GPATCH8: variants seen among roughly 807,000 people sequenced by gnomAD.
GPATCH8 encodes the protein G-patch domain containing 8, also known as G patch domain-containing protein 8.
In GPATCH8, 18 loss-of-function variants were observed where a neutral mutation model predicts 118.3. The ratio of observed to expected loss-of-function variants is 0.15; its 90% CI spans 0.11 to 0.23. GPATCH8 has a LOEUF of 0.23. Among genes scored for constraint, GPATCH8 ranks in the 10% least tolerant of loss-of-function variants. The pLI is 1.00. For synonymous variants in GPATCH8, 659 were observed against 684.7 expected (o/e 0.96, Z 0.59); for missense variants, 1,631 against 1,873.8 (o/e 0.87, Z 2.39).
chr17:44,480,441 C>G (rs1047133642), intron 1 of GPATCH8, among the ~76,000 whole-genome samples: 1 of 151,864 alleles, frequency 6.6e-6, no homozygotes, highest in African/African-American at 2.4e-5. Context: ...ATTGGCCAGG[C>G]GCGGTGGTTC....
Position 44,395,487 on chromosome 17 carries a change from C to A in GPATCH8, c.*2081G>T. The A allele has an allele frequency of 2.2e-6, 1 of 454,472 alleles. No individual in the cohort carries two copies. The highest frequency in any genetic ancestry group is 1.6e-5 in the South Asian group (1 of 64,462). 28.2% of individuals were successfully genotyped at this position (454,472 alleles called of 1,614,324 possible). ...GGCAGCCAGAGTATGGCTCAATCTA[C>A]AAGCTAATGGGAAGCAGCACGAAAA... On this transcript the variant is annotated 3_prime_UTR_variant, in exon 8 of 8. Coordinates refer to ENST00000591680, the MANE Select transcript of GPATCH8 (RefSeq NM_001002909.4).
intron 7 of GPATCH8, among the ~76,000 whole-genome samples, chr17:44,404,844 A>C (rs2049158643): frequency 6.6e-6 from 1 of 152,182 alleles, no homozygotes; most frequent in African/African-American, 2.4e-5. Flanking sequence ...GTTGCCACTC[A>C]TATGTGGAAG....
At chr17:44,450,018 T>C (rs1473529638) in intron 3 of GPATCH8, among the ~76,000 whole-genome samples, 1 of 152,194 alleles carries the variant, frequency 6.6e-6, no homozygotes, top group Non-Finnish European at 1.5e-5. Context: ...GAGAGAAATA[T>C]ATAGGTATAT....
At chr17:44,458,515 T>C (rs1343070212) in intron 3 of GPATCH8, among the ~76,000 whole-genome samples, 4 of 152,132 alleles carry the variant, frequency 2.6e-5, no homozygotes, top group East Asian at 1.9e-4. Context: ...TGATGAAATA[T>C]AGCCAAACTT....
intron 3 of GPATCH8, among the ~76,000 whole-genome samples, chr17:44,455,223 C>T (rs940727643): frequency 1.3e-5 from 2 of 152,110 alleles, no homozygotes; most frequent in African/African-American, 2.4e-5. Context: ...AATGAGTGGC[C>T]GGGCATGGTG....
At chr17:44,445,514 TC>T (rs1194491626) in intron 3 of GPATCH8, among the ~76,000 whole-genome samples, 3 of 145,192 alleles carry the variant, frequency 2.1e-5, no homozygotes, top group African/African-American at 7.8e-5. Flanking sequence ...TTTTTTTTTT[TC>T]CCCCCCTAAG....
intron 3 of GPATCH8, among the ~76,000 whole-genome samples, chr17:44,439,973 G>A (rs1267387888): frequency 2.0e-5 from 3 of 151,866 alleles, no homozygotes; most frequent in Non-Finnish European, 4.4e-5. Flanking sequence ...CGTAAAGACG[G>A]GGTTTCTTCA....
intron 3 of GPATCH8, among the ~76,000 whole-genome samples, chr17:44,445,441 T>C (rs1016901631): frequency 2.0e-5 from 3 of 152,118 alleles, no homozygotes; most frequent in Admixed American, 2.0e-4. Flanking sequence ...TACACTCCTA[T>C]ATACATGTAG....
At chr17:44,454,525 CT>C (rs1469249787) in intron 3 of GPATCH8, among the ~76,000 whole-genome samples, 11 of 152,188 alleles carry the variant, frequency 7.2e-5, no homozygotes, top group Non-Finnish European at 1.5e-4. Flanking sequence ...CAAGTAGTCC[CT>C]TTCTATACAG....
chr17:44,462,930 G>A (rs921031454), intron 3 of GPATCH8, among the ~76,000 whole-genome samples: 15 of 152,026 alleles, frequency 9.9e-5, no homozygotes, highest in Admixed American at 3.9e-4. Context: ...GCAATGAGCC[G>A]AGATCGCGCC....
At chr17:44,454,117 T>C (rs1355449669) in intron 3 of GPATCH8, among the ~76,000 whole-genome samples, 1 of 152,210 alleles carries the variant, frequency 6.6e-6, no homozygotes, top group Non-Finnish European at 1.5e-5. Flanking sequence ...AAGTCACCCC[T>C]AGTTATTCTT....
At chr17:44,431,412 C>G (rs1032763910) in intron 5 of GPATCH8, among the ~76,000 whole-genome samples, 2 of 121,208 alleles carry the variant, frequency 1.7e-5, no homozygotes, top group Admixed American at 1.6e-4. Flanking sequence ...GCGAAAAACA[C>G]AAAAATCAGC....
chr17:44,474,780 C>A (rs375103436), intron 2 of GPATCH8, 49 bp downstream of exon 2: 2 of 895,942 alleles, frequency 2.2e-6, no homozygotes, highest in African/African-American at 3.3e-5. Flanking sequence ...CACACGAACA[C>A]TACCTAACTA....
intron 1 of GPATCH8, among the ~76,000 whole-genome samples, chr17:44,499,507 C>T (rs1359931497): frequency 6.6e-6 from 1 of 152,130 alleles, no homozygotes; most frequent in Non-Finnish European, 1.5e-5. Flanking sequence ...AGAGAACACT[C>T]GGAACACGAA....
chr17:44,405,747 G>A (rs1298623460), intron 7 of GPATCH8, among the ~76,000 whole-genome samples, 174 bp downstream of exon 7: 3 of 152,080 alleles, frequency 2.0e-5, no homozygotes, highest in East Asian at 1.9e-4. Context: ...CTCGTGATCC[G>A]CCCGCCTCGG....
At chr17:44,488,251 G>C (rs1968951320) in intron 1 of GPATCH8, among the ~76,000 whole-genome samples, 1 of 125,854 alleles carries the variant, frequency 7.9e-6, no homozygotes, top group African/African-American at 3.0e-5. Context: ...TTTTAAGACA[G>C]AGTCTCACTC....
chr17:44,457,835 A>C (rs1297386589), intron 3 of GPATCH8, among the ~76,000 whole-genome samples: 1 of 152,098 alleles, frequency 6.6e-6, no homozygotes, highest in Non-Finnish European at 1.5e-5. Flanking sequence ...TAATCCCAGC[A>C]CTTTGGGAGG....
chr17:44,425,477 AT>A (rs2050057604), intron 5 of GPATCH8, among the ~76,000 whole-genome samples: 1 of 152,144 alleles, frequency 6.6e-6, no homozygotes. Flanking sequence ...GCACATTGTT[AT>A]TTTTGCCCTA....
chr17:44,417,073 C>T (rs889040982), intron 6 of GPATCH8, among the ~76,000 whole-genome samples: 1 of 151,818 alleles, frequency 6.6e-6, no homozygotes, highest in African/African-American at 2.4e-5. Flanking sequence ...AATATATTAC[C>T]CAGGCTTGAG....
Sources: gnomAD v4.1 joint callset for allele counts (sites outside exome capture counted in the v4.1 genomes callset) on GRCh38, gnomAD v4.1.1 for gene constraint, MANE v1.5 for transcripts, NCBI Gene and HGNC (gene_info 2026-07-23, HGNC 2026-07-21) for gene names.